Variants in ZNF423 observed in about 807,000 individuals in gnomAD.
ZNF423 encodes Ebf-associated zinc finger protein.
A neutral mutation model predicts 95.8 loss-of-function variants in ZNF423; 12 were observed. That is an observed-to-expected ratio of 0.13 (90% confidence interval 0.08 to 0.20). ZNF423 has a LOEUF of 0.20. ZNF423 is among the 10% of genes least tolerant of loss of function. The pLI, the probability that ZNF423 is intolerant of heterozygous loss-of-function variation, is 1.00. For missense variants in ZNF423, 1,316 were observed against 1,737.1 expected (o/e 0.76, Z 4.31); for synonymous variants, 749 against 711.9 (o/e 1.05, Z -0.83).
intron 3 of ZNF423, among the ~76,000 whole-genome samples, chr16:49,641,354 C>T (rs1181771563): frequency 1.3e-5 from 2 of 152,172 alleles, no homozygotes; most frequent in African/African-American, 4.8e-5. Flanking sequence ...TGTAAAGCCT[C>T]CAGGGTCCTC....
intron 1 of ZNF423, among the ~76,000 whole-genome samples, chr16:49,822,464 A>T (rs764891001): frequency 7.9e-5 from 12 of 152,136 alleles, no homozygotes; most frequent in Non-Finnish European, 1.2e-4. Flanking sequence ...ATGAGCCACC[A>T]CATCCGGCCC....
chr16:49,813,298 C>T (rs184257608), intron 1 of ZNF423, among the ~76,000 whole-genome samples: 190 of 152,200 alleles, frequency 1.2e-3, no homozygotes, highest in African/African-American at 4.3e-3. Context: ...CCCTGTGCCC[C>T]GACTCCAGGC....
intron 5 of ZNF423, among the ~76,000 whole-genome samples, chr16:49,610,473 C>G (rs769583790): frequency 1.1e-4 from 16 of 152,108 alleles, no homozygotes; most frequent in Non-Finnish European, 1.6e-4. Flanking sequence ...CACCAGTAGT[C>G]TTTGATAAGT....
At chr16:49,704,999 G>C (rs752215395) in intron 3 of ZNF423, among the ~76,000 whole-genome samples, 8 of 152,170 alleles carry the variant, frequency 5.3e-5, no homozygotes, top group Non-Finnish European at 7.4e-5. Flanking sequence ...ACCCACTCCT[G>C]CCTAGCCCTT....
intron 2 of ZNF423, among the ~76,000 whole-genome samples, chr16:49,742,711 T>C (rs1000299574): frequency 1.3e-5 from 2 of 152,120 alleles, no homozygotes; most frequent in African/African-American, 2.4e-5. Context: ...TGGCCAGTGC[T>C]AGTGCCTGAC....
At chr16:49,506,027 C>A (rs1323709955) in intron 7 of ZNF423, among the ~76,000 whole-genome samples, 1 of 152,200 alleles carries the variant, frequency 6.6e-6, no homozygotes, top group African/African-American at 2.4e-5. Context: ...TCCCATCCCA[C>A]TCATCTCACC....
In ZNF423 at chr16:49,664,205, G is replaced by A. The variant is rs1033173084; in HGVS notation, c.302-25331C>T. On this transcript the variant is annotated intron_variant, in intron 3 of 7. Transcript: ENST00000563137. Reference sequence around the variant, plus strand: ...CAGGGCAGGCGAGGGCTGGAGAGGCGCTTCCCACCGGCCCACTGGTGATCT... The same window carrying A: ...CAGGGCAGGCGAGGGCTGGAGAGGCACTTCCCACCGGCCCACTGGTGATCT... The A allele has an allele frequency of 1.2e-5, 12 of 985,514 alleles. No individual in the cohort carries two copies. The East Asian group carries it at 3.4e-4, about 28-fold the overall frequency. The allele number at this position is 985,514 out of a possible 1,614,324, so 61.0% of individuals were successfully genotyped here. A position where few individuals can be genotyped will look rare whatever the true frequency, so the allele number is the denominator to read the frequency against.
chr16:49,522,245 G>T (rs2151703400), intron 7 of ZNF423, among the ~76,000 whole-genome samples: 1 of 152,312 alleles, frequency 6.6e-6, no homozygotes, highest in East Asian at 1.9e-4. Context: ...GGAATTCCCT[G>T]CCTCACCCGC....
At chr16:49,755,518 A>T (rs544117394) in intron 2 of ZNF423, among the ~76,000 whole-genome samples, 3 of 152,144 alleles carry the variant, frequency 2.0e-5, no homozygotes, top group Non-Finnish European at 2.9e-5. Context: ...TCTTTCGCTA[A>T]TGAAAAAAAC....
At chr16:49,839,882 T>C (rs2035165352) in intron 1 of ZNF423, among the ~76,000 whole-genome samples, 1 of 152,128 alleles carries the variant, frequency 6.6e-6, no homozygotes, top group Non-Finnish European at 1.5e-5. Flanking sequence ...CCCTTCACCA[T>C]CTGGGATCCA....
chr16:49,628,423 C>T (rs1972382495), intron 4 of ZNF423, among the ~76,000 whole-genome samples: 2 of 151,308 alleles, frequency 1.3e-5, no homozygotes, highest in Admixed American at 1.3e-4. Context: ...CCCATCCACG[C>T]ATACACCCAC....
chr16:49,853,795 C>G, intron 1 of ZNF423: 2 of 985,432 alleles, frequency 2.0e-6, no homozygotes, highest in Non-Finnish European at 2.4e-6. Flanking sequence ...ACCCACCCAT[C>G]TGTTCACTGC....
At chr16:49,512,475 A>G (rs1967938708) in intron 7 of ZNF423, among the ~76,000 whole-genome samples, 1 of 152,216 alleles carries the variant, frequency 6.6e-6, no homozygotes, top group Admixed American at 6.5e-5. Flanking sequence ...GCTTATGGTC[A>G]TGGAGCTGCT....
intron 1 of ZNF423, among the ~76,000 whole-genome samples, chr16:49,795,413 C>T (rs1195343077): frequency 1.3e-5 from 2 of 152,208 alleles, no homozygotes; most frequent in Non-Finnish European, 2.9e-5. Flanking sequence ...TGAGCACAAA[C>T]CACTCCTGCC....
At chr16:49,591,485 A>C (rs1971009310) in intron 5 of ZNF423, among the ~76,000 whole-genome samples, 1 of 152,112 alleles carries the variant, frequency 6.6e-6, no homozygotes, top group South Asian at 2.1e-4. Context: ...GTATGCTAAA[A>C]TAGTATGGGC....
intron 3 of ZNF423, among the ~76,000 whole-genome samples, chr16:49,658,479 C>A (rs539456415): frequency 2.0e-5 from 3 of 152,232 alleles, no homozygotes; most frequent in African/African-American, 7.2e-5. Flanking sequence ...CCAATTTTCC[C>A]GATTTTCATG....
chr16:49,749,603 G>A (rs1438451145), intron 2 of ZNF423, among the ~76,000 whole-genome samples: 1 of 152,192 alleles, frequency 6.6e-6, no homozygotes, highest in African/African-American at 2.4e-5. Context: ...CGCAGCAATC[G>A]CCGTGTGCGA....
chr16:49,741,070 C>T (rs2033404603), intron 2 of ZNF423, among the ~76,000 whole-genome samples: 1 of 152,138 alleles, frequency 6.6e-6, no homozygotes, highest in African/African-American at 2.4e-5. Flanking sequence ...ACTCCAATTC[C>T]CCCACCACCA....
In ZNF423 at chr16:49,512,145, G is replaced by A. The variant is rs1597025923; in HGVS notation, c.3849+11479C>T. Among the ~76,000 whole-genome samples the A allele has an allele frequency of 2.0e-5, 3 of 152,136 alleles. No individual in the cohort carries two copies. In the East Asian group the frequency reaches 5.8e-4, roughly 29 times the overall value. On this transcript the variant is annotated intron_variant, in intron 7 of 7. Coordinates refer to ENST00000563137, the MANE Select transcript of ZNF423 (RefSeq NM_001379286.1). ...ACTTTCCCCTCCCTGCAACATGTGA[G>A]GGGCTTAGTCTATGCCTCTGTTTGT... is the stretch of plus-strand genomic sequence containing the variant.
Sources: allele counts gnomAD v4.1 joint callset (sites outside exome capture counted in the v4.1 genomes callset), GRCh38; gene constraint gnomAD v4.1.1; transcripts MANE v1.5; gene names NCBI Gene and HGNC (gene_info 2026-07-23, HGNC 2026-07-21).